Variants in COPG2 observed in about 807,000 individuals in gnomAD.
The protein encoded by COPG2 is coat protein complex I subunit gamma 2.
A neutral mutation model predicts 46.3 loss-of-function variants in COPG2; 37 were observed. The observed-to-expected ratio is 0.80, with a 90% CI of 0.61 to 1.05. The LOEUF is 1.05. COPG2 is among the 50% of genes least tolerant of loss of function. COPG2 has a pLI of 0.00. For missense variants in COPG2, 427 were observed against 387.8 expected (o/e 1.10, Z -0.85); for synonymous variants, 159 against 129.7 (o/e 1.23, Z -1.53).
intron 9 of COPG2, chr7:130,607,671 A>G: frequency 1.9e-6 from 1 of 519,026 alleles, no homozygotes. Context: ...AGAGTTTAAA[A>G]TTCATTTTGA....
At chr7:130,507,438 G>A in intron 22 of COPG2, 66 bp from the exon 23 acceptor site, 1 of 772,866 alleles carries the variant, frequency 1.3e-6, no homozygotes, top group Non-Finnish European at 2.4e-6. Context: ...CTCTGCACCA[G>A]TGTATGCTGG....
rs1795729885 is a variant in COPG2, at chr7:130,651,159, A to G, written c.323+1710T>C. 2.0e-5 allele frequency among the ~76,000 whole-genome samples: 3 copies of G among 152,322 alleles called. No homozygotes were observed. The South Asian group carries it at 6.2e-4, about 32-fold the overall frequency. On this transcript the variant is annotated intron_variant, in intron 5 of 23. Transcript: ENST00000425248. Reference sequence around the variant, plus strand: ...TTAAAAAGGCAACTATTTTAAAAATAATGTTCATTACACACTTAGAACTAT... The same window carrying G: ...TTAAAAAGGCAACTATTTTAAAAATGATGTTCATTACACACTTAGAACTAT...
Position 130,564,307 on chromosome 7 carries a change from A to G in COPG2, c.824T>C (p.Ile275Thr). 2.5e-6 allele frequency: 1 copy of G among 398,622 alleles called. No homozygotes were observed. The highest frequency in any genetic ancestry group is 3.6e-5 in the East Asian group (1 of 28,070). The allele number at this position is 398,622 out of a possible 1,614,324, so 24.7% of individuals were successfully genotyped here. A position where few individuals can be genotyped will look rare whatever the true frequency, so the allele number is the denominator to read the frequency against. ...MVIYEAASAIIHLPNCTAREL... is the reference protein window; with the variant it reads ...MVIYEAASAITHLPNCTAREL... Reference sequence around the variant, plus strand: ...TCTTGCAGTGCAGTTAGGAAGATGGATGATAGCTGAAGCAGCTTCATAAAT... The same window carrying G: ...TCTTGCAGTGCAGTTAGGAAGATGGGTGATAGCTGAAGCAGCTTCATAAAT... The change falls in exon 10 of 24, where the codon ATC becomes ACC. Residue 275 changes from isoleucine to threonine, a missense_variant. Physicochemically the swap from Ile to Thr is moderately conservative, Grantham distance 89. Coordinates refer to ENST00000425248, the MANE Select transcript of COPG2 (RefSeq NM_012133.6).
intron 20 of COPG2, among the ~76,000 whole-genome samples, chr7:130,524,454 G>A (rs1799755523): frequency 6.6e-6 from 1 of 152,192 alleles, no homozygotes; most frequent in Admixed American, 6.5e-5. Flanking sequence ...ATCAGGGGAT[G>A]AGTTTGCAAC....
intron 20 of COPG2, among the ~76,000 whole-genome samples, chr7:130,522,269 G>C (rs1451760956): frequency 1.3e-5 from 2 of 152,236 alleles, no homozygotes; most frequent in Middle Eastern, 3.4e-3. Flanking sequence ...ATAATGAAAA[G>C]ATAGGAAAGA....
Position 130,507,735 on chromosome 7 carries a change from G to A in COPG2, c.2336C>T (p.Thr779Ile), listed in dbSNP as rs367679349. 6.4e-6 allele frequency: 5 copies of A among 780,504 alleles called. No individual in the cohort carries two copies. The highest frequency in any genetic ancestry group is 1.2e-5 in the Non-Finnish European group (5 of 417,882). 48.3% of individuals were successfully genotyped at this position (780,504 alleles called of 1,614,324 possible). Residue 779 changes from threonine (T) to isoleucine (I), a missense_variant, in exon 22 of 24, where the codon ACC (threonine) becomes ATC (isoleucine). Transcript: ENST00000425248. The part of the protein sequence containing the change: ...FAAAWEEVGD[T>I]FEKEETFALS... ...GGCAAAGGTTTCCTCTTTCTCAAAGGTATCTCCCACCTCTTCCCAAGCAGC... is the reference window on the plus strand; with the variant it reads ...GGCAAAGGTTTCCTCTTTCTCAAAGATATCTCCCACCTCTTCCCAAGCAGC...
In COPG2 at chr7:130,554,678, A is replaced by G. The variant is rs1036855524; in HGVS notation, c.1271T>C (p.Ile424Thr). The G allele has an allele frequency of 1.5e-5, 6 of 398,464 alleles. No individual in the cohort carries two copies. Among genetic ancestry groups the G allele is most frequent in the Middle Eastern group, 6.2e-4 (1 of 1,610 alleles). The allele number at this position is 398,464 out of a possible 1,614,324, so 24.7% of individuals were successfully genotyped here. A position where few individuals can be genotyped will look rare whatever the true frequency, so the allele number is the denominator to read the frequency against. ...TTTACTCTCAGGGTTCTCTTCCACA[A>G]TGCTGATTATACAGTCCACAATGGC... ...KRAIVDCIIS[I>T]VEENPESKEA... The change falls in exon 14 of 24, where the codon ATT (isoleucine) becomes ACT (threonine). Residue 424 changes from isoleucine (I) to threonine (T), a missense_variant. By Grantham distance (89) the Ile-to-Thr change is moderately conservative. Transcript: ENST00000425248.
rs1367025096 is a variant in COPG2, at chr7:130,564,290, T to C, written c.841A>G (p.Thr281Ala). ...ACAGCAGGTGCCAACTCTCTTGCAG[T>C]GCAGTTAGGAAGATGGATGATAGCT... ...ASAIIHLPNC[T>A]ARELAPAVSV... Residue 281 changes from threonine (T) to alanine (A), a missense_variant, in exon 10 of 24, where the codon ACT (threonine) becomes GCT (alanine). Coordinates refer to ENST00000425248, the MANE Select transcript of COPG2 (RefSeq NM_012133.6). 1.3e-5 allele frequency: 5 copies of C among 398,450 alleles called. No individual in the cohort carries two copies. Among genetic ancestry groups the C allele is most frequent in the Admixed American group, 4.4e-5 (1 of 22,708 alleles). 24.7% of individuals were successfully genotyped at this position (398,450 alleles called of 1,614,324 possible). A position where few individuals can be genotyped will look rare whatever the true frequency, so the allele number is the denominator to read the frequency against.
chr7:130,551,892 C>T (rs1426446279), intron 15 of COPG2, among the ~76,000 whole-genome samples: 1 of 152,234 alleles, frequency 6.6e-6, no homozygotes, highest in Non-Finnish European at 1.5e-5. Flanking sequence ...TTATTTTTAA[C>T]TCTGCATAGT....
At chr7:130,540,707 A>G (rs1236185537) in intron 20 of COPG2, among the ~76,000 whole-genome samples, 1 of 152,074 alleles carries the variant, frequency 6.6e-6, no homozygotes, top group Admixed American at 6.5e-5. Flanking sequence ...CTAGAATGCC[A>G]CCTATGGCAA....
chr7:130,523,493 T>C (rs1799744905), intron 20 of COPG2, among the ~76,000 whole-genome samples: 1 of 151,440 alleles, frequency 6.6e-6, no homozygotes, highest in East Asian at 1.9e-4. Flanking sequence ...ATACGTGGAG[T>C]GCGAGGGGAA....
At chr7:130,615,409 G>A (rs1212719873) in intron 6 of COPG2, among the ~76,000 whole-genome samples, 1 of 152,180 alleles carries the variant, frequency 6.6e-6, no homozygotes. Flanking sequence ...TAGGAGCTCA[G>A]TAATTATGGA....
intron 9 of COPG2, chr7:130,603,911 C>T (rs1554450829): frequency 7.9e-6 from 4 of 507,458 alleles, no homozygotes. Flanking sequence ...TTGTTGATAA[C>T]AAAAATAGTT....
chr7:130,535,152 A>C (rs1163144503), intron 20 of COPG2, among the ~76,000 whole-genome samples: 2 of 152,228 alleles, frequency 1.3e-5, no homozygotes, highest in African/African-American at 2.4e-5. Context: ...TGACTGAGTC[A>C]GATGAAGCGA....
At chr7:130,546,215 GTC>G (rs1349017480) in intron 20 of COPG2, among the ~76,000 whole-genome samples, 2 of 152,198 alleles carry the variant, frequency 1.3e-5, no homozygotes, top group Admixed American at 1.3e-4. Flanking sequence ...GAAGTGCAGA[GTC>G]TCTCCAGACA....
chr7:130,631,258 G>A (rs937651313), intron 5 of COPG2, among the ~76,000 whole-genome samples: 17 of 143,058 alleles, frequency 1.2e-4, no homozygotes, highest in Non-Finnish European at 2.2e-4. Context: ...TGCAACCTCC[G>A]CCTCCCAGGT....
intron 5 of COPG2, chr7:130,645,525 A>C: frequency 8.4e-6 from 2 of 238,206 alleles, no homozygotes; most frequent in Non-Finnish European, 1.6e-5. Context: ...AATCACCTCA[A>C]TCATGATCCG....
rs76332144 is a variant in COPG2 at position 130,631,070 on chromosome 7, G to A, written c.324-14005C>T. On this transcript the variant is annotated intron_variant, in intron 5 of 23. Transcript: ENST00000425248. ...TTTAATTGAAGTGTTTAGAATAGGT[G>A]CCTTTAATGTAATTATTGATATGGT... Among the ~76,000 whole-genome samples the A allele has an allele frequency of 4.4e-3, 674 of 152,020 alleles. 3 individuals are homozygous for A. Among genetic ancestry groups the A allele is most frequent in the African/African-American group, 0.016 (652 of 41,476 alleles).
At chr7:130,509,759 G>A in intron 20 of COPG2, 1 of 518,624 alleles carries the variant, frequency 1.9e-6, no homozygotes. Context: ...CTGTGTGTGT[G>A]TGTGATCTAT....
Sources: allele counts gnomAD v4.1 joint callset (sites outside exome capture counted in the v4.1 genomes callset), GRCh38; gene constraint gnomAD v4.1.1; transcripts MANE v1.5; gene names NCBI Gene and HGNC (gene_info 2026-07-23, HGNC 2026-07-21).